The following ELAC2 variants were observed in gnomAD, a reference collection of about 807,000 sequenced individuals.
ELAC2 encodes the protein elaC ribonuclease Z 2.
Under a neutral mutation model 105.2 loss-of-function variants are expected in ELAC2, and 92 were observed. That is an observed-to-expected ratio of 0.87 (90% confidence interval 0.74 to 1.04). The LOEUF is 1.04. ELAC2 is among the 50% of genes least tolerant of loss of function. The probability of loss-of-function intolerance (pLI) is 0.00; values close to 1 mark genes in which losing one functional copy is unlikely to be tolerated. For missense variants in ELAC2, 1,099 were observed against 1,071.7 expected, an observed-to-expected ratio of 1.03 and a Z score of -0.36; for synonymous variants, 468 against 409.1, an observed-to-expected ratio of 1.14 and a Z score of -1.74.
At chr17:13,005,219 G>A in intron 10 of ELAC2, 118 bp from the exon 11 acceptor site, 2 of 785,656 alleles carry the variant, frequency 2.5e-6, no homozygotes, top group South Asian at 1.4e-5. Flanking sequence ...GGTAAACAAA[G>A]CACAAAACCA....
chr17:13,001,018 A>C (rs937567413), intron 14 of ELAC2: 22 of 152,976 alleles, frequency 1.4e-4, no homozygotes, highest in Non-Finnish European at 4.4e-5. Flanking sequence ...ACAAAGGGAC[A>C]CCAGGTTCTT....
intron 10 of ELAC2, 127 bp from the exon 11 acceptor site, chr17:13,005,228 C>G (rs1274049303): frequency 5.3e-6 from 4 of 747,916 alleles, no homozygotes; most frequent in Non-Finnish European, 7.2e-6. Context: ...AGCACAAAAC[C>G]AACTTTACAC....
rs940483545 is a variant in ELAC2 at position 12,992,521 on chromosome 17, G to C, written c.*297C>G. 1.0e-5 allele frequency: 5 copies of C among 483,298 alleles called. No homozygotes were observed. Among genetic ancestry groups the C allele is most frequent in the Admixed American group, 6.9e-5 (2 of 29,106 alleles). The allele number at this position is 483,298 out of a possible 1,614,324, so 29.9% of individuals were successfully genotyped here. A position where few individuals can be genotyped will look rare whatever the true frequency, so the allele number is the denominator to read the frequency against. On this transcript the variant is annotated 3_prime_UTR_variant, in exon 24 of 24. Coordinates refer to ENST00000338034, the MANE Select transcript of ELAC2 (RefSeq NM_018127.7). ...CACTTTGCTGGATTAGAGGAAAGGT[G>C]CCGCCGTCTGTTTCCAAGACTTCTT...
At chr17:13,003,820 TG>T (rs1244563997) in intron 11 of ELAC2, 11 of 534,082 alleles carry the variant, frequency 2.1e-5, no homozygotes, top group Admixed American at 9.3e-5. Flanking sequence ...TAGGCCTGGC[TG>T]ATCCTTTCTC....
chr17:12,992,911 G>T lies in ELAC2; in HGVS notation c.2388C>A (p.Ser796=). The T allele has an allele frequency of 6.2e-7, 1 of 1,611,736 alleles. No homozygotes were observed. The highest frequency in any genetic ancestry group is 1.7e-5 in the Admixed American group (1 of 60,014). The part of the protein sequence containing the change: ...ELRQVRAALL[S]RELAGGLEDG... ...CCTCCAGGCCGCCTGCCAGCTCCCTGGACAGGAGGGCCGCCCGCACCTGCC... is the reference window on the plus strand; with the variant it reads ...CCTCCAGGCCGCCTGCCAGCTCCCTTGACAGGAGGGCCGCCCGCACCTGCC... The change falls in exon 24 of 24, where the codon TCC becomes TCA. Residue 796 remains serine, a synonymous_variant. Coordinates refer to ENST00000338034, the MANE Select transcript of ELAC2 (RefSeq NM_018127.7).
Position 13,000,189 on chromosome 17 carries a change from T to A in ELAC2, c.1390A>T (p.Arg464Trp), listed in dbSNP as rs200149324. ...PNFQQSVQEY[R>W]RSAQDGPAPA... is the part of the protein sequence containing the mutation. ...GCTGGGCCGTCCTGCGCACTCCTCC[T>A]GTACTCCTGCACGCTCTGCTGGAAG... The change falls in exon 15 of 24, where the codon AGG becomes TGG. Residue 464 changes from arginine to tryptophan, a missense_variant. Physicochemically the swap from Arg to Trp is moderately radical, Grantham distance 101. Coordinates refer to ENST00000338034, the MANE Select transcript of ELAC2 (RefSeq NM_018127.7). The A allele has an allele frequency of 1.8e-4, 290 of 1,614,022 alleles. 4 individuals are homozygous for A. The East Asian group carries it at 6.1e-3, about 34-fold the overall frequency.
Position 12,994,582 on chromosome 17 carries a change from G to A in ELAC2, c.2030-79C>T, listed in dbSNP as rs563445630. On this transcript the variant is annotated intron_variant, in intron 21 of 23. Transcript: ENST00000338034. ...GGCCTCAGTCACGTGCTGTTTCCTGGTCTCAACACTCAGCTCCCCTGGCCC... is the reference window on the plus strand; with the variant it reads ...GGCCTCAGTCACGTGCTGTTTCCTGATCTCAACACTCAGCTCCCCTGGCCC... The A allele has an allele frequency of 1.2e-4, 197 of 1,597,198 alleles. No individual in the cohort carries two copies. The African/African-American group carries it at 2.5e-3, about 20-fold the overall frequency.
chr17:13,017,392 C>G, intron 1 of ELAC2: 1 of 628,316 alleles, frequency 1.6e-6, no homozygotes, highest in Non-Finnish European at 2.7e-6. Context: ...CCACCCCACA[C>G]GCTAACAACG....
chr17:12,998,303 G>C, intron 16 of ELAC2, 109 bp downstream of exon 16: 1 of 1,068,668 alleles, frequency 9.4e-7, no homozygotes, highest in Non-Finnish European at 1.4e-6. Context: ...CATGACAAGT[G>C]ACAGGGCTTG....
At position 12,994,863 on chromosome 17, in the gene ELAC2, GC is replaced by G; in HGVS notation, c.1929del (p.His644ThrfsTer40). Reference protein sequence around the residue: ...DLEEFQTCLVRHCKHAFGCAL... With the variant: ...DLEEFQTCLVXHCKHAFGCAL... ...GCACAGCCAAACGCATGCTTGCAGT[GC>G]CGCACCAGACAGGTCTGAAACTGAA... is the stretch of plus-strand genomic sequence containing the variant. On this transcript the variant is annotated frameshift_variant, in exon 21 of 24. Coordinates refer to ENST00000338034, the MANE Select transcript of ELAC2 (RefSeq NM_018127.7). LOFTEE classifies it high-confidence loss of function. 1 of 1,614,104 alleles carries G rather than the reference GC, an allele frequency of 6.2e-7. No individual in the cohort carries two copies.
rs150347734 is a variant in ELAC2, at chr17:12,998,474, A to G, written c.1458T>C (p.Leu486=). ...TCATCGGGATGGCAGACCCTGTTCCAAGGAAGATGATTTCTGGGTACTGAC... is the reference window on the plus strand; with the variant it reads ...TCATCGGGATGGCAGACCCTGTTCCGAGGAAGATGATTTCTGGGTACTGAC... ...KRSQYPEIIF[L]GTGSAIPMKI... is the part of the protein sequence containing the mutation. The change falls in exon 16 of 24, where the codon CTT becomes CTC. Residue 486 remains leucine, a synonymous_variant. Transcript: ENST00000338034. 271 of 1,614,214 alleles carry G rather than the reference A, an allele frequency of 1.7e-4. No individual in the cohort carries two copies. Among genetic ancestry groups the G allele is most frequent in the Admixed American group, 3.8e-4 (23 of 60,030 alleles).
chr17:13,003,662 G>T, intron 11 of ELAC2, 88 bp from the exon 12 acceptor site: 1 of 1,190,248 alleles, frequency 8.4e-7, no homozygotes, highest in Non-Finnish European at 1.2e-6. Flanking sequence ...GGTATCGTGC[G>T]GCCCTCTGCA....
chr17:13,001,551 G>C (rs2040813651), intron 14 of ELAC2, among the ~76,000 whole-genome samples: 2 of 151,938 alleles, frequency 1.3e-5, no homozygotes, highest in Non-Finnish European at 2.9e-5. Context: ...AAGATGTGGG[G>C]CAGTAAGGCT....
intron 15 of ELAC2, 76 bp downstream of exon 15, chr17:13,000,080 C>A: frequency 3.6e-6 from 5 of 1,395,464 alleles, no homozygotes; most frequent in South Asian, 2.3e-5. Context: ...CCCACCAGCA[C>A]TCCACTTAAT....
intron 8 of ELAC2, among the ~76,000 whole-genome samples, chr17:13,010,333 G>A (rs994863793): frequency 6.6e-6 from 1 of 152,148 alleles, no homozygotes; most frequent in African/African-American, 2.4e-5. Flanking sequence ...ACCACACCCA[G>A]CTAATTTTTG....
chr17:13,012,595 C>T (rs941910500), intron 6 of ELAC2, among the ~76,000 whole-genome samples: 1 of 152,212 alleles, frequency 6.6e-6, no homozygotes, highest in African/African-American at 2.4e-5. Flanking sequence ...TTGCTGGGTG[C>T]TCTGGTCTGT....
At chr17:13,016,719 G>A in intron 3 of ELAC2, 143 bp downstream of exon 3, 1 of 777,648 alleles carries the variant, frequency 1.3e-6, no homozygotes. Flanking sequence ...GGCAAAGGTT[G>A]CAGTGAGCCA....
intron 5 of ELAC2, among the ~76,000 whole-genome samples, 186 bp from the exon 6 acceptor site, chr17:13,013,461 G>A (rs1303460112): frequency 6.6e-6 from 1 of 152,136 alleles, no homozygotes; most frequent in Non-Finnish European, 1.5e-5. Context: ...ATTTTGGTCA[G>A]CCATTTATAT....
intron 12 of ELAC2, among the ~76,000 whole-genome samples, chr17:13,003,074 G>A (rs2040910991): frequency 6.6e-6 from 1 of 152,162 alleles, no homozygotes; most frequent in Non-Finnish European, 1.5e-5. Flanking sequence ...TGCTGGCGAC[G>A]ACCCTAGAGG....
Sources: allele counts gnomAD v4.1 joint callset (sites outside exome capture counted in the v4.1 genomes callset), GRCh38; gene constraint gnomAD v4.1.1; transcripts MANE v1.5; gene names NCBI Gene and HGNC (gene_info 2026-07-23, HGNC 2026-07-21).